Variants in CHST10 observed in about 807,000 individuals in gnomAD.
CHST10 encodes HNK-1 sulfotransferase.
Under a neutral mutation model 34.7 loss-of-function variants are expected in CHST10, and 24 were observed. The ratio of observed to expected loss-of-function variants is 0.69; its 90% CI spans 0.50 to 0.97. CHST10 has a LOEUF of 0.97. Among genes scored for constraint, CHST10 ranks in the 50% least tolerant of loss-of-function variants. CHST10 has a pLI of 0.00. For missense variants in CHST10, 402 were observed against 452.1 expected, an observed-to-expected ratio of 0.89 and a Z score of 1.00; for synonymous variants, 161 against 169.3, an observed-to-expected ratio of 0.95 and a Z score of 0.38.
At chr2:100,404,189 G>A (rs1175214724) in intron 3 of CHST10, among the ~76,000 whole-genome samples, 1 of 152,214 alleles carries the variant, frequency 6.6e-6, no homozygotes, top group Non-Finnish European at 1.5e-5. Context: ...TAGTGCTGTG[G>A]TGGTCACCCC....
intron 6 of CHST10, among the ~76,000 whole-genome samples, chr2:100,394,880 C>T (rs183064983): frequency 7.0e-6 from 1 of 142,370 alleles, no homozygotes; most frequent in East Asian, 2.4e-4. Context: ...TGTGCCACCA[C>T]AGCGGGCTAT....
At chr2:100,415,481 C>T (rs1369240323) in intron 1 of CHST10, among the ~76,000 whole-genome samples, 1 of 152,144 alleles carries the variant, frequency 6.6e-6, no homozygotes, top group Non-Finnish European at 1.5e-5. Flanking sequence ...GATTTTCGTA[C>T]TCCTTACACC....
At chr2:100,413,579 C>T (rs1675937359) in intron 2 of CHST10, among the ~76,000 whole-genome samples, 1 of 152,182 alleles carries the variant, frequency 6.6e-6, no homozygotes, top group African/African-American at 2.4e-5. Context: ...AGATAAATAG[C>T]ACACATTGTA....
chr2:100,404,300 G>C (rs1032693028), intron 3 of CHST10, among the ~76,000 whole-genome samples: 2 of 152,076 alleles, frequency 1.3e-5, no homozygotes, highest in African/African-American at 4.8e-5. Flanking sequence ...CTCGGGGTCA[G>C]GGGCAGCACT....
chr2:100,395,342 C>T (rs900806815), intron 6 of CHST10, among the ~76,000 whole-genome samples, 167 bp downstream of exon 6: 7 of 152,250 alleles, frequency 4.6e-5, no homozygotes, highest in Admixed American at 1.3e-4. Flanking sequence ...AGTTTTGAGG[C>T]GCCGAATGGG....
At chr2:100,407,424 C>A (rs922770312) in intron 2 of CHST10, among the ~76,000 whole-genome samples, 1 of 152,160 alleles carries the variant, frequency 6.6e-6, no homozygotes, top group African/African-American at 2.4e-5. Context: ...GCAGGTGACA[C>A]AAGAAAGTGT....
chr2:100,399,017 C>T (rs1369567919), intron 4 of CHST10, among the ~76,000 whole-genome samples: 1 of 152,160 alleles, frequency 6.6e-6, no homozygotes, highest in Non-Finnish European at 1.5e-5. Flanking sequence ...GCAGGGCAGC[C>T]TCCACCAACC....
At chr2:100,396,959 A>C (rs1005353098) in intron 5 of CHST10, among the ~76,000 whole-genome samples, 1 of 152,192 alleles carries the variant, frequency 6.6e-6, no homozygotes, top group African/African-American at 2.4e-5. Context: ...CACATTAATT[A>C]TATGTGACAA....
chr2:100,394,415 G>T (rs894941340), intron 6 of CHST10, among the ~76,000 whole-genome samples: 6 of 152,170 alleles, frequency 3.9e-5, no homozygotes, highest in African/African-American at 1.2e-4. Context: ...CGACAGGCCA[G>T]AAACTGCTCT....
chr2:100,414,478 A>C (rs1675981320), intron 2 of CHST10, among the ~76,000 whole-genome samples: 1 of 152,214 alleles, frequency 6.6e-6, no homozygotes. Context: ...GGGACATTTC[A>C]CCATCAACCC....
intron 2 of CHST10, among the ~76,000 whole-genome samples, chr2:100,412,552 T>A (rs1675889836): frequency 1.3e-5 from 2 of 152,166 alleles, no homozygotes; most frequent in Non-Finnish European, 2.9e-5. Flanking sequence ...GCTCTGTTCG[T>A]GACTCTAATG....
chr2:100,393,483 C>CTG lies in CHST10; in HGVS notation c.831_832dup (p.Ser278ThrfsTer3). 2 of 1,614,144 alleles carry CTG rather than the reference C, an allele frequency of 1.2e-6. No homozygotes were observed. Among genetic ancestry groups the CTG allele is most frequent in the Non-Finnish European group, 1.7e-6 (2 of 1,180,030 alleles). On this transcript the variant is annotated frameshift_variant, in exon 7 of 7. Coordinates refer to ENST00000264249, the MANE Select transcript of CHST10 (RefSeq NM_004854.5). LOFTEE classifies it high-confidence loss of function. Reference sequence around the variant, plus strand: ...CAGGGTCTCGTGGTGTCCAATCACACTGTACATTATCTCACAGGGAGCACA... The same window carrying CTG: ...CAGGGTCTCGTGGTGTCCAATCACACTGTGTACATTATCTCACAGGGAGCACA...
intron 1 of CHST10, chr2:100,417,047 T>C: frequency 7.7e-7 from 1 of 1,304,328 alleles, no homozygotes; most frequent in African/African-American, 1.5e-5. Flanking sequence ...GGACCCAAGC[T>C]GAACCCTTTC....
At chr2:100,397,863 C>A (rs779009918) in intron 5 of CHST10, 45 bp downstream of exon 5, 8 of 1,508,632 alleles carry the variant, frequency 5.3e-6, no homozygotes, top group Non-Finnish European at 6.4e-6. Flanking sequence ...TCAGCACCGG[C>A]CACCAAGACC....
At chr2:100,404,059 G>A (rs1675456776) in intron 3 of CHST10, among the ~76,000 whole-genome samples, 2 of 152,198 alleles carry the variant, frequency 1.3e-5, no homozygotes, top group Non-Finnish European at 2.9e-5. Flanking sequence ...CAAGATGCTG[G>A]GTGCCAGCTC....
chr2:100,399,260 T>A (rs1675225523), intron 4 of CHST10, among the ~76,000 whole-genome samples: 1 of 152,134 alleles, frequency 6.6e-6, no homozygotes, highest in East Asian at 1.9e-4. Flanking sequence ...CCCACCACCA[T>A]GCCTGGCTAA....
chr2:100,409,192 G>T (rs1452623512), intron 2 of CHST10, among the ~76,000 whole-genome samples: 1 of 152,160 alleles, frequency 6.6e-6, no homozygotes, highest in Non-Finnish European at 1.5e-5. Context: ...CCGGCCTCAG[G>T]ACAGCACTTT....
At chr2:100,394,345 G>A (rs1172211100) in intron 6 of CHST10, among the ~76,000 whole-genome samples, 3 of 152,178 alleles carry the variant, frequency 2.0e-5, no homozygotes, top group Non-Finnish European at 4.4e-5. Flanking sequence ...AGGAGGGCCG[G>A]CAGCAGTGAC....
At chr2:100,416,933 A>G in intron 1 of CHST10, 1 of 1,297,854 alleles carries the variant, frequency 7.7e-7, no homozygotes, top group Non-Finnish European at 1.0e-6. Context: ...GGCTCAGGGC[A>G]CCCCGGGGCC....
Sources: gnomAD v4.1 joint callset for allele counts (sites outside exome capture counted in the v4.1 genomes callset) on GRCh38, gnomAD v4.1.1 for gene constraint, MANE v1.5 for transcripts, NCBI Gene and HGNC (gene_info 2026-07-23, HGNC 2026-07-21) for gene names.